The following FLVCR2 variants were observed in gnomAD, a reference collection of about 807,000 sequenced individuals.
FLVCR2 encodes the protein FLVCR choline and putative heme transporter 2.
A neutral mutation model predicts 48.9 loss-of-function variants in FLVCR2; 38 were observed. The ratio of observed to expected loss-of-function variants is 0.78; its 90% CI spans 0.60 to 1.02. The LOEUF (loss-of-function observed/expected upper bound fraction) is 1.02. Among genes scored for constraint, FLVCR2 ranks in the 50% least tolerant of loss-of-function variants. FLVCR2 has a pLI of 0.00. For synonymous variants in FLVCR2, 255 were observed against 257.0 expected (o/e 0.99, Z 0.07); for missense variants, 664 against 663.3 (o/e 1.00, Z -0.01).
intron 1 of FLVCR2, among the ~76,000 whole-genome samples, chr14:75,592,191 T>C (rs1888901575): frequency 6.6e-6 from 1 of 151,994 alleles, no homozygotes; most frequent in Non-Finnish European, 1.5e-5. Context: ...TGCCCACCAC[T>C]CTTGCATTCC....
chr14:75,599,586 T>C (rs888477854), intron 1 of FLVCR2, among the ~76,000 whole-genome samples: 1 of 152,148 alleles, frequency 6.6e-6, no homozygotes, highest in Non-Finnish European at 1.5e-5. Context: ...ATGGTTTTCA[T>C]AGAAATAGAA....
In FLVCR2 at chr14:75,579,554, C is replaced by G; in HGVS notation, c.582C>G (p.Ile194Met). Reference sequence around the variant, plus strand: ...TCTGCTCTGTGGCCCAGGTTTTCATCCTGGGCATGCCCTCCCGCATCGCTT... The same window carrying G: ...TCTGCTCTGTGGCCCAGGTTTTCATGCTGGGCATGCCCTCCCGCATCGCTT... ...QLICSVAQVFILGMPSRIASV... is the reference protein window; with the variant it reads ...QLICSVAQVFMLGMPSRIASV... Residue 194 changes from isoleucine (I) to methionine (M), a missense_variant, in exon 1 of 10, where the codon ATC becomes ATG. Ile to Met is a conservative substitution (Grantham distance 10). Transcript: ENST00000238667. 2 of 1,614,008 alleles carry G rather than the reference C, an allele frequency of 1.2e-6. No homozygotes were observed. Among genetic ancestry groups the G allele is most frequent in the Non-Finnish European group, 1.7e-6 (2 of 1,180,004 alleles).
intron 3 of FLVCR2, among the ~76,000 whole-genome samples, chr14:75,627,836 G>C (rs1330456706): frequency 6.6e-6 from 1 of 152,170 alleles, no homozygotes; most frequent in Non-Finnish European, 1.5e-5. Context: ...GTCCATATGG[G>C]GTTCTTTGCC....
Position 75,579,284 on chromosome 14 carries a change from G to T in FLVCR2, c.312G>T (p.Gln104His), listed in dbSNP as rs1369352060. 6.2e-7 allele frequency: 1 copy of T among 1,614,182 alleles called. No individual in the cohort carries two copies. The highest frequency in any genetic ancestry group is 2.2e-5 in the East Asian group (1 of 44,884). Reference protein sequence around the residue: ...YSMCNSFQWIQYGSINNIFMH... With the variant: ...YSMCNSFQWIHYGSINNIFMH... ...TGTGCAACTCCTTTCAGTGGATCCA[G>T]TACGGCTCCATCAATAACATCTTCA... Residue 104 changes from glutamine (Q) to histidine (H), a missense_variant, in exon 1 of 10, where the codon CAG becomes CAT. Transcript: ENST00000238667.
chr14:75,588,005 G>A (rs1422959917), intron 1 of FLVCR2, among the ~76,000 whole-genome samples: 1 of 152,184 alleles, frequency 6.6e-6, no homozygotes, highest in Non-Finnish European at 1.5e-5. Flanking sequence ...GTCTAAAATA[G>A]CACTGTCCAA....
At chr14:75,628,301 GAC>G (rs1889958100) in intron 3 of FLVCR2, among the ~76,000 whole-genome samples, 1 of 152,058 alleles carries the variant, frequency 6.6e-6, no homozygotes, top group Admixed American at 6.6e-5. Flanking sequence ...TTTTAGTAGA[GAC>G]AGGGTTTCAC....
At chr14:75,589,854 G>A (rs1375516759) in intron 1 of FLVCR2, among the ~76,000 whole-genome samples, 1 of 152,236 alleles carries the variant, frequency 6.6e-6, no homozygotes, top group Non-Finnish European at 1.5e-5. Flanking sequence ...AGCCATGGCT[G>A]GGGTAGCCAA....
Position 75,578,685 on chromosome 14 carries a change from G to A in FLVCR2, c.-288G>A. 1.9e-6 allele frequency: 1 copy of A among 536,544 alleles called. No individual in the cohort carries two copies. Among genetic ancestry groups the A allele is most frequent in the South Asian group, 2.1e-5 (1 of 48,020 alleles). The allele number at this position is 536,544 out of a possible 1,614,324, so 33.2% of individuals were successfully genotyped here. On this transcript the variant is annotated 5_prime_UTR_variant, in exon 1 of 10. Transcript: ENST00000238667. ...TTTTCCTGCACAAGGAACGCCTCGT[G>A]GGGAGACCCAAGGCAGGAGCGGTCC... is the stretch of plus-strand genomic sequence containing the variant.
intron 4 of FLVCR2, among the ~76,000 whole-genome samples, chr14:75,634,323 G>A (rs1218297970): frequency 2.0e-5 from 3 of 152,158 alleles, no homozygotes; most frequent in Non-Finnish European, 2.9e-5. Flanking sequence ...CATATGCCTT[G>A]TGACCTTGGG....
At chr14:75,586,150 GCA>G (rs1189220887) in intron 1 of FLVCR2, among the ~76,000 whole-genome samples, 231 of 152,332 alleles carry the variant, frequency 1.5e-3, no homozygotes, top group Admixed American at 2.2e-3. Flanking sequence ...CTGGGTGCAG[GCA>G]GGCTGAATCC....
chr14:75,617,453 T>C (rs1419578242), intron 1 of FLVCR2, among the ~76,000 whole-genome samples: 1 of 152,232 alleles, frequency 6.6e-6, no homozygotes, highest in Non-Finnish European at 1.5e-5. Flanking sequence ...CATCCCTTCA[T>C]TCATCACATT....
intron 1 of FLVCR2, among the ~76,000 whole-genome samples, chr14:75,585,391 C>T (rs1411418257): frequency 1.3e-5 from 2 of 152,006 alleles, no homozygotes; most frequent in Admixed American, 1.3e-4. Flanking sequence ...TGGGGCCAAG[C>T]GGGATTGCAG....
chr14:75,596,385 C>A (rs1403024002), intron 1 of FLVCR2, among the ~76,000 whole-genome samples: 1 of 152,132 alleles, frequency 6.6e-6, no homozygotes, highest in Non-Finnish European at 1.5e-5. Flanking sequence ...GGGGGCCAGC[C>A]AGTCCATATA....
intron 1 of FLVCR2, among the ~76,000 whole-genome samples, chr14:75,612,832 C>T (rs1889495424): frequency 6.6e-6 from 1 of 152,238 alleles, no homozygotes; most frequent in South Asian, 2.1e-4. Context: ...CCCAAGGTAG[C>T]TTGCCTGGCA....
chr14:75,587,483 C>G (rs749336280), intron 1 of FLVCR2, among the ~76,000 whole-genome samples: 1 of 152,158 alleles, frequency 6.6e-6, no homozygotes, highest in Non-Finnish European at 1.5e-5. Flanking sequence ...CTCTTCTAAC[C>G]TAGCATGGTC....
At position 75,598,000 on chromosome 14, in the gene FLVCR2, A is replaced by AT. The variant is rs1046693005; in HGVS notation, c.669+18370dup. 2.2e-3 allele frequency among the ~76,000 whole-genome samples: 332 copies of AT among 147,742 alleles called. 4 individuals are homozygous for AT. The highest frequency in any genetic ancestry group is 2.4e-3 in the Non-Finnish European group (157 of 66,600). On this transcript the variant is annotated intron_variant, in intron 1 of 9. Coordinates refer to ENST00000238667, the MANE Select transcript of FLVCR2 (RefSeq NM_017791.3). Reference sequence around the variant, plus strand: ...TGGAGCCATATTCTTGTCAGGGCTGATTTTTTTTTTTCTTTTTCTTTTTTT... The same window carrying AT: ...TGGAGCCATATTCTTGTCAGGGCTGATTTTTTTTTTTTCTTTTTCTTTTTTT...
chr14:75,591,778 C>T lies in FLVCR2; in HGVS notation c.669+12137C>T, dbSNP rs148496850. On this transcript the variant is annotated intron_variant, in intron 1 of 9. Transcript: ENST00000238667. Reference sequence around the variant, plus strand: ...CCCACATGGCAGGTTTCTGCCTAGGCTCCCAGGCTCTCTTTTTCTCTTCAT... The same window carrying T: ...CCCACATGGCAGGTTTCTGCCTAGGTTCCCAGGCTCTCTTTTTCTCTTCAT... 2.0e-5 allele frequency among the ~76,000 whole-genome samples: 3 copies of T among 150,362 alleles called. No homozygotes were observed. In the East Asian group the frequency reaches 5.9e-4, roughly 29 times the overall value.
chr14:75,630,433 A>G (rs1437739350), intron 3 of FLVCR2, among the ~76,000 whole-genome samples: 1 of 152,176 alleles, frequency 6.6e-6, no homozygotes, highest in African/African-American at 2.4e-5. Flanking sequence ...TGTAGTTGCT[A>G]AAGATGCAGA....
intron 1 of FLVCR2, among the ~76,000 whole-genome samples, chr14:75,618,464 C>G (rs546280940): frequency 1.1e-4 from 17 of 152,158 alleles, no homozygotes; most frequent in Non-Finnish European, 2.4e-4. Context: ...TTGGTTTGAC[C>G]ATGAATTTTG....
Sources: gnomAD v4.1 joint callset for allele counts (sites outside exome capture counted in the v4.1 genomes callset) on GRCh38, gnomAD v4.1.1 for gene constraint, MANE v1.5 for transcripts, NCBI Gene and HGNC (gene_info 2026-07-23, HGNC 2026-07-21) for gene names.